BICC1: variants seen among roughly 807,000 people sequenced by gnomAD.
BICC1 encodes the protein protein bicaudal C homolog 1.
In BICC1, 43 loss-of-function variants were observed where a neutral mutation model predicts 111.0. That is an observed-to-expected ratio of 0.39 (90% CI 0.30 to 0.50). BICC1 has a LOEUF of 0.50. BICC1 is among the 20% of genes least tolerant of loss of function. The pLI is 0.88. For synonymous variants in BICC1, 467 were observed against 434.4 expected, an observed-to-expected ratio of 1.07 and a Z score of -0.93; for missense variants, 1,091 against 1,203.2, an observed-to-expected ratio of 0.91 and a Z score of 1.38.
intron 2 of BICC1, among the ~76,000 whole-genome samples, chr10:58,659,184 G>T (rs774516091): frequency 6.6e-6 from 1 of 152,132 alleles, no homozygotes; most frequent in Non-Finnish European, 1.5e-5. Context: ...AAGCAGTTTG[G>T]TGATTTTTCA....
chr10:58,526,448 G>A (rs1182269003), intron 1 of BICC1, among the ~76,000 whole-genome samples: 5 of 151,844 alleles, frequency 3.3e-5, no homozygotes, highest in African/African-American at 4.8e-5. Context: ...CTGCAGGTTT[G>A]TTACATATGT....
At chr10:58,747,097 A>G (rs1234596511) in intron 3 of BICC1, among the ~76,000 whole-genome samples, 6 of 152,174 alleles carry the variant, frequency 3.9e-5, no homozygotes, top group Admixed American at 3.9e-4. Context: ...CTGTCTTTCC[A>G]TGGCTGTTAT....
chr10:58,542,311 G>A (rs1273147657), intron 1 of BICC1, among the ~76,000 whole-genome samples: 1 of 151,870 alleles, frequency 6.6e-6, no homozygotes, highest in Admixed American at 6.6e-5. Flanking sequence ...AGATGATGTT[G>A]GAAAAACTGG....
chr10:58,780,870 T>C (rs1842864912), intron 3 of BICC1, among the ~76,000 whole-genome samples: 1 of 152,166 alleles, frequency 6.6e-6, no homozygotes, highest in South Asian at 2.1e-4. Flanking sequence ...TTATTGAAAA[T>C]ATGGTTTTTA....
chr10:58,639,650 C>G (rs1345595830), intron 2 of BICC1, among the ~76,000 whole-genome samples: 1 of 145,662 alleles, frequency 6.9e-6, no homozygotes, highest in African/African-American at 2.5e-5. Context: ...CTCCTGACCT[C>G]AGGTGATCCA....
At chr10:58,548,013 C>T (rs139306137) in intron 1 of BICC1, among the ~76,000 whole-genome samples, 2 of 152,266 alleles carry the variant, frequency 1.3e-5, no homozygotes, top group Non-Finnish European at 1.5e-5. Flanking sequence ...CTTCTAGGCT[C>T]TTTCAGCTGA....
intron 1 of BICC1, among the ~76,000 whole-genome samples, chr10:58,527,047 G>T (rs1440155887): frequency 6.6e-6 from 1 of 152,190 alleles, no homozygotes; most frequent in Non-Finnish European, 1.5e-5. Context: ...ACCACCAACG[G>T]TTTAAAAGTG....
At position 58,798,483 on chromosome 10, in the gene BICC1, C is replaced by T; in HGVS notation, c.1451C>T (p.Pro484Leu). The T allele has an allele frequency of 6.2e-7, 1 of 1,613,474 alleles. No individual in the cohort carries two copies. The highest frequency in any genetic ancestry group is 8.5e-7 in the Non-Finnish European group (1 of 1,179,696). ...AATGCTCTTAATAGCTCAGTCAGTC[C>T]TTTGCAAAGTCCAAGTTCTGGTACA... is the stretch of plus-strand genomic sequence containing the variant. Reference protein sequence around the residue: ...LLNALNSSVSPLQSPSSGTPS... With the variant: ...LLNALNSSVSLLQSPSSGTPS... Residue 484 changes from proline to leucine, a missense_variant, in exon 11 of 21, where the codon CCT becomes CTT. This residue lies in a region of BICC1 where 843 missense variants were observed against 900.8 expected (regional missense o/e 0.94). Transcript: ENST00000373886.
At chr10:58,824,240 G>T in intron 20 of BICC1, 1 of 261,710 alleles carries the variant, frequency 3.8e-6, no homozygotes, top group Non-Finnish European at 5.9e-6. Flanking sequence ...CTTAGTACCT[G>T]TGTGGGCAAG....
At chr10:58,778,517 A>G (rs1231600563) in intron 3 of BICC1, among the ~76,000 whole-genome samples, 1 of 152,204 alleles carries the variant, frequency 6.6e-6, no homozygotes, top group African/African-American at 2.4e-5. Context: ...GAAAATTATA[A>G]GGGGGAGAAA....
chr10:58,790,192 G>C (rs1256216304), intron 8 of BICC1, among the ~76,000 whole-genome samples: 1 of 151,796 alleles, frequency 6.6e-6, no homozygotes, highest in African/African-American at 2.4e-5. Context: ...GAGAATTATA[G>C]TGAAATAATT....
intron 1 of BICC1, among the ~76,000 whole-genome samples, chr10:58,581,981 G>A (rs1469493307): frequency 6.6e-6 from 1 of 151,968 alleles, no homozygotes; most frequent in Admixed American, 6.6e-5. Flanking sequence ...GGTCATCTGT[G>A]CATATACATG....
chr10:58,761,064 G>A (rs1214346359), intron 3 of BICC1, among the ~76,000 whole-genome samples: 1 of 151,962 alleles, frequency 6.6e-6, no homozygotes, highest in Non-Finnish European at 1.5e-5. Context: ...CACCATGTTG[G>A]CCAGGCTGGT....
At chr10:58,546,238 A>T (rs1393076857) in intron 1 of BICC1, among the ~76,000 whole-genome samples, 1 of 152,144 alleles carries the variant, frequency 6.6e-6, no homozygotes, top group Non-Finnish European at 1.5e-5. Context: ...TCTAAGTAAT[A>T]AGTAAAGTGG....
At chr10:58,753,767 C>A (rs188683131) in intron 3 of BICC1, among the ~76,000 whole-genome samples, 2 of 151,976 alleles carry the variant, frequency 1.3e-5, no homozygotes, top group South Asian at 2.1e-4. Flanking sequence ...AATTTCTATT[C>A]TTTTCCATTT....
intron 3 of BICC1, among the ~76,000 whole-genome samples, chr10:58,780,378 GT>G (rs557297035): frequency 6.7e-4 from 102 of 152,222 alleles, no homozygotes; most frequent in Middle Eastern, 3.4e-3. Context: ...GGATTTTTCT[GT>G]TGTTTTCTGT....
chr10:58,799,025 T>C, intron 11 of BICC1, 31 bp from the exon 12 acceptor site: 2 of 1,430,628 alleles, frequency 1.4e-6, no homozygotes, highest in Non-Finnish European at 1.9e-6. Context: ...AGTTTCTTCC[T>C]AATATCTGTC....
intron 3 of BICC1, among the ~76,000 whole-genome samples, chr10:58,708,029 A>G: frequency 1.2e-5 from 1 of 83,676 alleles, no homozygotes; most frequent in African/African-American, 3.9e-5. Flanking sequence ...TTTTTAGTAG[A>G]GACAGGGTTT....
At chr10:58,729,183 C>A (rs1013136656) in intron 3 of BICC1, among the ~76,000 whole-genome samples, 9 of 152,264 alleles carry the variant, frequency 5.9e-5, no homozygotes, top group Middle Eastern at 3.4e-3. Context: ...CTAGATGACA[C>A]CTTTTTTTCC....
Sources: allele counts gnomAD v4.1 joint callset (sites outside exome capture counted in the v4.1 genomes callset), GRCh38; gene constraint gnomAD v4.1.1; regional missense constraint gnomAD v4.1.1; transcripts MANE v1.5; gene names NCBI Gene and HGNC (gene_info 2026-07-23, HGNC 2026-07-21).